The following PALLD variants were observed in gnomAD, a reference collection of about 807,000 sequenced individuals.
The protein encoded by PALLD is palladin, cytoskeletal associated protein, also known as palladin.
In PALLD, 61 loss-of-function variants were observed where a neutral mutation model predicts 123.5. The ratio of observed to expected loss-of-function variants is 0.49; its 90% CI spans 0.40 to 0.61. The LOEUF (loss-of-function observed/expected upper bound fraction) is 0.61, where lower values mean the gene tolerates loss of function less well. Among genes scored for constraint, PALLD ranks in the 20% least tolerant of loss-of-function variants. The pLI is 0.00. For missense variants in PALLD, 1,273 were observed against 1,377.0 expected (o/e 0.92, Z 1.20); for synonymous variants, 465 against 496.4 (o/e 0.94, Z 0.84).
At chr4:168,878,553 G>T (rs1275144121) in intron 10 of PALLD, among the ~76,000 whole-genome samples, 1 of 152,082 alleles carries the variant, frequency 6.6e-6, no homozygotes, top group Non-Finnish European at 1.5e-5. Context: ...ATTCTTAACG[G>T]CAATTTGACT....
At chr4:168,676,870 C>T (rs1005939242) in intron 3 of PALLD, among the ~76,000 whole-genome samples, 13 of 152,038 alleles carry the variant, frequency 8.6e-5, no homozygotes, top group Non-Finnish European at 1.8e-4. Context: ...TGAGCCACCG[C>T]GCCCAGCCAG....
At chr4:168,755,162 G>A (rs1438662779) in intron 10 of PALLD, among the ~76,000 whole-genome samples, 1 of 151,644 alleles carries the variant, frequency 6.6e-6, no homozygotes, top group African/African-American at 2.4e-5. Flanking sequence ...GAGCCTGGGA[G>A]GCGGAGCTTG....
chr4:168,852,678 T>A (rs1042490156), intron 10 of PALLD, among the ~76,000 whole-genome samples: 1 of 152,236 alleles, frequency 6.6e-6, no homozygotes, highest in African/African-American at 2.4e-5. Flanking sequence ...TAGTAGTGCC[T>A]ACAAGAGTGT....
chr4:168,685,441 A>G, intron 5 of PALLD, 44 bp from the exon 6 acceptor site: 3 of 1,281,204 alleles, frequency 2.3e-6, no homozygotes, highest in Non-Finnish European at 3.4e-6. Context: ...CTTTTAGGCA[A>G]TTTATATATT....
chr4:168,723,363 C>G (rs185106356), intron 10 of PALLD, among the ~76,000 whole-genome samples: 90 of 152,232 alleles, frequency 5.9e-4, no homozygotes, highest in Non-Finnish European at 1.1e-3. Flanking sequence ...AAACAAGGAC[C>G]CTGCAGAACC....
At chr4:168,598,772 G>A in intron 2 of PALLD, 1 of 383,690 alleles carries the variant, frequency 2.6e-6, no homozygotes. Flanking sequence ...GATTCACACT[G>A]TTGGTAAATC....
chr4:168,656,988 A>G (rs1778645438), intron 2 of PALLD, among the ~76,000 whole-genome samples: 1 of 152,238 alleles, frequency 6.6e-6, no homozygotes, highest in Non-Finnish European at 1.5e-5. Flanking sequence ...AATGGGATAT[A>G]GGGCTTGCCG....
intron 4 of PALLD, 61 bp from the exon 5 acceptor site, chr4:168,682,929 TAAAAAAAA>T: frequency 1.4e-6 from 1 of 735,938 alleles, no homozygotes; most frequent in Non-Finnish European, 2.2e-6. Flanking sequence ...TTATTTCTGC[TAAAAAAAA>T]AAAACAAAAA....
At chr4:168,519,518 GT>G (rs11434777) in intron 2 of PALLD, among the ~76,000 whole-genome samples, 2 of 151,200 alleles carry the variant, frequency 1.3e-5, no homozygotes, top group Non-Finnish European at 3.0e-5. Flanking sequence ...TTTTTAAAAT[GT>G]TTTTTTTTGT....
chr4:168,570,851 A>G (rs1429812651), intron 2 of PALLD, among the ~76,000 whole-genome samples: 1 of 152,152 alleles, frequency 6.6e-6, no homozygotes, highest in Non-Finnish European at 1.5e-5. Flanking sequence ...AATATTGATC[A>G]GTTCTTATCC....
At chr4:168,797,796 G>A (rs1738725182) in intron 10 of PALLD, among the ~76,000 whole-genome samples, 1 of 152,038 alleles carries the variant, frequency 6.6e-6, no homozygotes, top group Admixed American at 6.6e-5. Context: ...TATACCGATT[G>A]CCATATTAGC....
chr4:168,791,211 G>T (rs1737475376), intron 10 of PALLD, among the ~76,000 whole-genome samples: 1 of 152,108 alleles, frequency 6.6e-6, no homozygotes, highest in African/African-American at 2.4e-5. Context: ...AAGCCCCATG[G>T]AATGCCCTAA....
intron 10 of PALLD, among the ~76,000 whole-genome samples, chr4:168,835,416 C>T (rs1745009879): frequency 6.6e-6 from 1 of 152,102 alleles, no homozygotes; most frequent in Admixed American, 6.6e-5. Context: ...CTCATTCTAG[C>T]AATGTTCTTT....
intron 10 of PALLD, among the ~76,000 whole-genome samples, chr4:168,757,269 T>C (rs1732018933): frequency 1.3e-5 from 2 of 152,134 alleles, no homozygotes; most frequent in African/African-American, 4.8e-5. Flanking sequence ...AGGTGAAAAA[T>C]TTTAGATAAC....
intron 2 of PALLD, among the ~76,000 whole-genome samples, chr4:168,656,290 A>C (rs1397062806): frequency 7.8e-6 from 1 of 128,330 alleles, no homozygotes; most frequent in Non-Finnish European, 1.6e-5. Context: ...ATTCAATACA[A>C]ATTTTCACAA....
intron 2 of PALLD, among the ~76,000 whole-genome samples, chr4:168,651,225 C>T (rs1371855082): frequency 6.6e-6 from 1 of 152,170 alleles, no homozygotes; most frequent in Non-Finnish European, 1.5e-5. Flanking sequence ...GGCTGTTCCA[C>T]CTCCTCAGTA....
intron 2 of PALLD, among the ~76,000 whole-genome samples, chr4:168,640,098 T>C (rs931738301): frequency 3.3e-5 from 5 of 152,228 alleles, no homozygotes; most frequent in African/African-American, 1.2e-4. Context: ...TCCTTCAAAC[T>C]GTGCTTCCGT....
At chr4:168,531,163 T>C (rs1764562797) in intron 2 of PALLD, among the ~76,000 whole-genome samples, 1 of 152,236 alleles carries the variant, frequency 6.6e-6, no homozygotes, top group South Asian at 2.1e-4. Context: ...TGTGAATATA[T>C]ATAATTGTGG....
intron 2 of PALLD, among the ~76,000 whole-genome samples, chr4:168,520,722 G>A (rs1377561291): frequency 6.6e-6 from 1 of 152,198 alleles, no homozygotes; most frequent in Non-Finnish European, 1.5e-5. Context: ...CAGAGTGGCA[G>A]CAGCTGCCTT....
Sources: gnomAD v4.1 joint callset for allele counts (sites outside exome capture counted in the v4.1 genomes callset) on GRCh38, gnomAD v4.1.1 for gene constraint, MANE v1.5 for transcripts, NCBI Gene and HGNC (gene_info 2026-07-23, HGNC 2026-07-21) for gene names.